COL4A6: variants seen among roughly 807,000 people sequenced by gnomAD.
The protein encoded by COL4A6 is collagen alpha-6(IV) chain.
A neutral mutation model predicts 126.7 loss-of-function variants in COL4A6; 59 were observed. The observed-to-expected ratio is 0.47, with a 90% CI of 0.38 to 0.58. The LOEUF is 0.58. COL4A6 is among the 20% of genes least tolerant of loss of function. The pLI is 0.00. For synonymous variants in COL4A6, 547 were observed against 496.6 expected (o/e 1.10, Z -1.35); for missense variants, 1,285 against 1,337.3 (o/e 0.96, Z 0.61).
chrX:108,183,177 C>A (rs779370084), intron 23 of COL4A6, among the ~76,000 whole-genome samples: 1 of 112,199 alleles, frequency 8.9e-6, no homozygotes, highest in East Asian at 2.8e-4. Context: ...GAATTCAGAG[C>A]CTTCTCAACA....
chrX:108,187,898 C>T lies in COL4A6; in HGVS notation c.1717G>A (p.Glu573Lys), dbSNP rs868757997. 4.1e-6 allele frequency: 5 copies of T among 1,209,665 alleles called. No individual in the cohort carries two copies. The highest frequency in any genetic ancestry group is 5.6e-6 in the Non-Finnish European group (5 of 894,430). Residue 573 changes from glutamate (E) to lysine (K), a missense_variant, in exon 22 of 45, where the codon GAA becomes AAA. Physicochemically the swap from Glu to Lys is moderately conservative, Grantham distance 56 (BLOSUM62 1). Transcript: ENST00000334504. ...CCTGGTACTCCGTCCTTGCCTGGTT[C>T]TCCTATTACACCACGGAAGCCCTGG... is the stretch of plus-strand genomic sequence containing the variant. ...GSQGFRGVIG[E>K]PGKDGVPGLP...
At position 108,338,489 on chromosome X, in the gene COL4A6, C is replaced by G. The variant is rs943615088; in HGVS notation, c.64-27661G>C. 5.4e-5 allele frequency among the ~76,000 whole-genome samples: 6 copies of G among 112,135 alleles called. No homozygotes were observed. The East Asian group carries it at 1.7e-3, about 32-fold the overall frequency. ...TTTCAGACTGGTCTTGCTCAGGAAT[C>G]CAAACCTCTGTTAGTATTGCTTGAA... On this transcript the variant is annotated intron_variant, in intron 2 of 44. Transcript: ENST00000334504.
At chrX:108,437,828 T>C in intron 2 of COL4A6, 114 bp downstream of exon 2, 3 of 799,249 alleles carry the variant, frequency 3.8e-6, no homozygotes, top group Non-Finnish European at 5.6e-6. Flanking sequence ...GGGAGTGGTG[T>C]GGACTCCGTC....
At position 108,179,429 on chromosome X, in the gene COL4A6, C is replaced by A; in HGVS notation, c.2141G>T (p.Gly714Val). Residue 714 changes from glycine (G) to valine (V), a missense_variant, in exon 26 of 45, where the codon GGA becomes GTA. Gly to Val is a moderately radical substitution (Grantham distance 109). Coordinates refer to ENST00000334504, the MANE Select transcript of COL4A6 (RefSeq NM_033641.4). ...VHLPELPGFPGPRGEKGLPGF... is the reference protein window; with the variant it reads ...VHLPELPGFPVPRGEKGLPGF... ...AGGCAAGCCCTTCTCCCCACGAGGT[C>A]CAGGAAATCCTAAACGTAAAAAGGC... The A allele has an allele frequency of 8.3e-7, 1 of 1,199,550 alleles. No individual in the cohort carries two copies. Among genetic ancestry groups the A allele is most frequent in the Non-Finnish European group, 1.1e-6 (1 of 888,867 alleles).
At chrX:108,352,768 G>A (rs2039874295) in intron 2 of COL4A6, among the ~76,000 whole-genome samples, 1 of 112,033 alleles carries the variant, frequency 8.9e-6, no homozygotes, top group East Asian at 2.8e-4. Context: ...AGGTGCTTTG[G>A]ACCATCATGC....
intron 27 of COL4A6, among the ~76,000 whole-genome samples, chrX:108,178,287 G>A (rs1470293689): frequency 8.9e-6 from 1 of 112,479 alleles, no homozygotes; most frequent in Non-Finnish European, 1.9e-5. Context: ...GGCTGCCGGT[G>A]TGGTCACACT....
chrX:108,232,135 T>C (rs1274397929), intron 3 of COL4A6, among the ~76,000 whole-genome samples: 6 of 111,911 alleles, frequency 5.4e-5, no homozygotes, highest in African/African-American at 1.9e-4. Flanking sequence ...CCCTTACCCC[T>C]GGGAAATGTC....
chrX:108,319,257 C>G (rs1168618014), intron 2 of COL4A6, among the ~76,000 whole-genome samples: 1 of 112,264 alleles, frequency 8.9e-6, no homozygotes, highest in African/African-American at 3.2e-5. Context: ...GTAGTCCCAG[C>G]TACTCAGGAG....
At chrX:108,368,997 G>A (rs940389285) in intron 2 of COL4A6, among the ~76,000 whole-genome samples, 2 of 111,878 alleles carry the variant, frequency 1.8e-5, no homozygotes, top group African/African-American at 6.5e-5. Context: ...AGTAGATGGA[G>A]TACACTTTAC....
At chrX:108,353,388 T>C (rs1415140337) in intron 2 of COL4A6, among the ~76,000 whole-genome samples, 4 of 112,522 alleles carry the variant, frequency 3.6e-5, no homozygotes, top group East Asian at 2.8e-4. Flanking sequence ...GAGGCATATA[T>C]GTGACTCAAC....
chrX:108,291,586 T>C (rs754759675), intron 3 of COL4A6, among the ~76,000 whole-genome samples: 4 of 111,392 alleles, frequency 3.6e-5, no homozygotes, highest in African/African-American at 1.3e-4. Flanking sequence ...CTCTGATTAG[T>C]ATCTTCACTT....
At chrX:108,200,611 G>A (rs371164286) in intron 13 of COL4A6, among the ~76,000 whole-genome samples, 49 of 111,670 alleles carry the variant, frequency 4.4e-4, no homozygotes, top group Non-Finnish European at 8.3e-4. Context: ...AGTGTGGGGT[G>A]GGGGGAGAGA....
chrX:108,205,109 C>G (rs1195171660), intron 11 of COL4A6, among the ~76,000 whole-genome samples: 1 of 109,905 alleles, frequency 9.1e-6, no homozygotes, highest in Non-Finnish European at 1.9e-5. Flanking sequence ...GAGAAGGCAA[C>G]AGAATACACA....
At chrX:108,330,990 G>C in intron 2 of COL4A6, among the ~76,000 whole-genome samples, 1 of 111,750 alleles carries the variant, frequency 8.9e-6, no homozygotes, top group East Asian at 2.8e-4. Flanking sequence ...TTTCCCACTT[G>C]CAGATAAATG....
intron 44 of COL4A6, among the ~76,000 whole-genome samples, chrX:108,157,727 C>T (rs2033786722): frequency 1.8e-5 from 2 of 111,813 alleles, no homozygotes; most frequent in South Asian, 3.8e-4. Context: ...AAGGACAGTC[C>T]AAAACCTACT....
Position 108,214,206 on chromosome X carries a change from G to A in COL4A6, c.347C>T (p.Pro116Leu), listed in dbSNP as rs1401172350. ...GCCATCCAGACCAGGTGGGCCTCTG[G>A]GGCCTGGTTGTCCAGGGTGGCCCTG... is the stretch of plus-strand genomic sequence containing the variant. The part of the protein sequence containing the change: ...GIPGHPGQPG[P>L]RGPPGLDGCN... The change falls in exon 6 of 45, where the codon CCC becomes CTC. Residue 116 changes from proline (P) to leucine (L), a missense_variant. Coordinates refer to ENST00000334504, the MANE Select transcript of COL4A6 (RefSeq NM_033641.4). 1 of 1,206,550 alleles carries A rather than the reference G, an allele frequency of 8.3e-7. No individual in the cohort carries two copies. The highest frequency in any genetic ancestry group is 1.1e-6 in the Non-Finnish European group (1 of 892,591).
At chrX:108,366,175 G>T (rs971927687) in intron 2 of COL4A6, among the ~76,000 whole-genome samples, 1 of 111,451 alleles carries the variant, frequency 9.0e-6, no homozygotes, top group Non-Finnish European at 1.9e-5. Context: ...CTATGTATTT[G>T]CCACCTGATC....
chrX:108,345,610 A>G lies in COL4A6; in HGVS notation c.64-34782T>C, dbSNP rs534316769. On this transcript the variant is annotated intron_variant, in intron 2 of 44. Transcript: ENST00000334504. ...TATGCAAATTACGCGCATTTAATGGAGTGTGGTACAGTATGGCTGATGGTG... is the reference window on the plus strand; with the variant it reads ...TATGCAAATTACGCGCATTTAATGGGGTGTGGTACAGTATGGCTGATGGTG... Among the ~76,000 whole-genome samples, 15 of 111,529 alleles carry G rather than the reference A, an allele frequency of 1.3e-4. No homozygotes were observed. The South Asian group carries it at 5.7e-3, about 42-fold the overall frequency.
intron 3 of COL4A6, among the ~76,000 whole-genome samples, chrX:108,259,453 A>G (rs751645187): frequency 9.0e-6 from 1 of 111,659 alleles, no homozygotes; most frequent in South Asian, 3.8e-4. Flanking sequence ...CATCTACCAA[A>G]CATCTAATGT....
Sources: gnomAD v4.1 joint callset for allele counts (sites outside exome capture counted in the v4.1 genomes callset) on GRCh38, gnomAD v4.1.1 for gene constraint, MANE v1.5 for transcripts, NCBI Gene and HGNC (gene_info 2026-07-23, HGNC 2026-07-21) for gene names.